UST: variants seen among roughly 807,000 people sequenced by gnomAD.
The protein encoded by UST is chondroitin sulfate 2-O-sulfotransferase.
Under a neutral mutation model 45.6 loss-of-function variants are expected in UST, and 21 were observed. The ratio of observed to expected loss-of-function variants is 0.46; its 90% confidence interval spans 0.33 to 0.66. The LOEUF is 0.66. Among genes scored for constraint, UST ranks in the 30% least tolerant of loss-of-function variants. The pLI is 0.02. For missense variants in UST, 463 were observed against 512.4 expected, an observed-to-expected ratio of 0.90 and a Z score of 0.93; for synonymous variants, 215 against 200.6, an observed-to-expected ratio of 1.07 and a Z score of -0.61.
intron 2 of UST, among the ~76,000 whole-genome samples, chr6:148,921,091 G>A (rs1779696646): frequency 6.6e-6 from 1 of 152,180 alleles, no homozygotes; most frequent in Admixed American, 6.5e-5. Flanking sequence ...GTACACAAGA[G>A]GAGTCTATTA....
intron 1 of UST, among the ~76,000 whole-genome samples, chr6:148,769,697 A>G (rs1323129083): frequency 1.3e-5 from 2 of 152,180 alleles, no homozygotes; most frequent in African/African-American, 2.4e-5. Flanking sequence ...GTCATTCAGA[A>G]GCCTGAGCAC....
intron 1 of UST, among the ~76,000 whole-genome samples, chr6:148,810,681 T>C (rs1777239985): frequency 6.6e-6 from 1 of 152,202 alleles, no homozygotes; most frequent in Non-Finnish European, 1.5e-5. Context: ...CTCTTTTCTC[T>C]CTACAGTCCC....
intron 1 of UST, among the ~76,000 whole-genome samples, chr6:148,787,042 C>T (rs1157629827): frequency 6.6e-6 from 1 of 152,068 alleles, no homozygotes; most frequent in Non-Finnish European, 1.5e-5. Flanking sequence ...TGTCCTTTGC[C>T]TGCTTTTAAT....
intron 2 of UST, among the ~76,000 whole-genome samples, chr6:148,922,493 T>TG (rs1779729985): frequency 3.6e-5 from 2 of 55,318 alleles, no homozygotes; most frequent in Non-Finnish European, 6.3e-5. Context: ...TTTCTTTTTC[T>TG]TTTTTTTTTT....
chr6:148,909,667 T>C (rs140152688), intron 2 of UST, among the ~76,000 whole-genome samples: 2,168 of 152,296 alleles, frequency 0.014, 56 homozygotes, highest in African/African-American at 0.049. Flanking sequence ...GCAGCAAGGA[T>C]GTGTGCTGGC....
intron 2 of UST, among the ~76,000 whole-genome samples, chr6:148,923,798 G>A (rs1779761420): frequency 6.6e-6 from 1 of 152,158 alleles, no homozygotes; most frequent in African/African-American, 2.4e-5. Context: ...TCCAGGGCAG[G>A]ACTTAGATAT....
chr6:149,041,004 T>C (rs1776305626), intron 7 of UST, among the ~76,000 whole-genome samples: 1 of 152,210 alleles, frequency 6.6e-6, no homozygotes, highest in Non-Finnish European at 1.5e-5. Flanking sequence ...TGGGTGGACC[T>C]CTGTTATACA....
At chr6:148,927,675 AAGAT>A (rs1779842435) in intron 2 of UST, among the ~76,000 whole-genome samples, 1 of 152,172 alleles carries the variant, frequency 6.6e-6, no homozygotes, top group Non-Finnish European at 1.5e-5. Context: ...AAAAATGAGA[AAGAT>A]AGAAGACATT....
At chr6:149,042,987 CTTTCTTTCTTTCT>C (rs1776339578) in intron 7 of UST, among the ~76,000 whole-genome samples, 1 of 116,430 alleles carries the variant, frequency 8.6e-6, no homozygotes, top group African/African-American at 4.0e-5. Flanking sequence ...TTCTTTCTTT[CTTTCTTTCTTTCT>C]TTCTTTCTTT....
chr6:149,055,083 A>G (rs1776542609), intron 7 of UST, among the ~76,000 whole-genome samples: 1 of 152,060 alleles, frequency 6.6e-6, no homozygotes, highest in Non-Finnish European at 1.5e-5. Flanking sequence ...CCAGGAGGTT[A>G]CCTCAGCATA....
At chr6:148,791,082 ACTCC>A (rs1427915682) in intron 1 of UST, among the ~76,000 whole-genome samples, 21 of 152,058 alleles carry the variant, frequency 1.4e-4, no homozygotes, top group African/African-American at 4.6e-4. Context: ...CACCACTCTG[ACTCC>A]CTCAAGTGCA....
At chr6:148,849,900 G>A (rs942086385) in intron 1 of UST, among the ~76,000 whole-genome samples, 2 of 152,074 alleles carry the variant, frequency 1.3e-5, no homozygotes, top group African/African-American at 4.8e-5. Flanking sequence ...CATAATAATG[G>A]TGTTATATAG....
At chr6:148,980,674 A>G (rs888972554) in intron 5 of UST, among the ~76,000 whole-genome samples, 1 of 151,770 alleles carries the variant, frequency 6.6e-6, no homozygotes, top group Non-Finnish European at 1.5e-5. Flanking sequence ...CCTCATCTCT[A>G]TTCTTGTCCT....
chr6:148,984,822 A>G (rs771148976), intron 5 of UST, among the ~76,000 whole-genome samples: 7 of 152,218 alleles, frequency 4.6e-5, no homozygotes, highest in Admixed American at 2.0e-4. Flanking sequence ...ATTTTCATTT[A>G]GAAAATCTTG....
intron 5 of UST, among the ~76,000 whole-genome samples, chr6:149,011,832 G>A (rs1775817179): frequency 6.7e-6 from 1 of 149,894 alleles, no homozygotes; most frequent in Non-Finnish European, 1.5e-5. Flanking sequence ...CAAACAAAAA[G>A]GCATTTCCAC....
At chr6:148,837,635 G>A (rs989376684) in intron 1 of UST, among the ~76,000 whole-genome samples, 4 of 151,850 alleles carry the variant, frequency 2.6e-5, no homozygotes, top group Admixed American at 6.6e-5. Context: ...CAAGTACAAA[G>A]CACTTTTCTG....
intron 3 of UST, among the ~76,000 whole-genome samples, chr6:148,950,076 C>T (rs990561148): frequency 6.6e-6 from 1 of 152,218 alleles, no homozygotes; most frequent in Non-Finnish European, 1.5e-5. Context: ...ACCTCCTTAA[C>T]CCTCCCGGAA....
At chr6:148,937,888 G>T (rs1365567243) in intron 2 of UST, among the ~76,000 whole-genome samples, 1 of 152,188 alleles carries the variant, frequency 6.6e-6, no homozygotes, top group Non-Finnish European at 1.5e-5. Context: ...CAGCCTGGTT[G>T]TAATGGAAAC....
intron 1 of UST, among the ~76,000 whole-genome samples, chr6:148,808,563 G>A (rs1384063912): frequency 6.6e-6 from 1 of 151,954 alleles, no homozygotes; most frequent in Non-Finnish European, 1.5e-5. Flanking sequence ...GGTCAGGTGT[G>A]GAATGTGGGC....
Sources: gnomAD v4.1 joint callset for allele counts (sites outside exome capture counted in the v4.1 genomes callset) on GRCh38, gnomAD v4.1.1 for gene constraint, MANE v1.5 for transcripts, NCBI Gene and HGNC (gene_info 2026-07-23, HGNC 2026-07-21) for gene names.